Variants in BAZ1B observed in about 807,000 individuals in gnomAD.
BAZ1B encodes the protein tyrosine-protein kinase BAZ1B.
Under a neutral mutation model 153.8 loss-of-function variants are expected in BAZ1B, and 22 were observed. That is an observed-to-expected ratio of 0.14 (90% CI 0.10 to 0.20). BAZ1B has a LOEUF of 0.20. BAZ1B is among the 10% of genes least tolerant of loss of function. BAZ1B has a pLI of 1.00. For synonymous variants in BAZ1B, 676 were observed against 633.4 expected (o/e 1.07, Z -1.01); for missense variants, 1,325 against 1,799.3 (o/e 0.74, Z 4.77).
At chr7:73,501,145 G>A (rs1459794745) in intron 3 of BAZ1B, among the ~76,000 whole-genome samples, 2 of 151,442 alleles carry the variant, frequency 1.3e-5, no homozygotes, top group Non-Finnish European at 2.9e-5. Context: ...AATCCCAGCT[G>A]CTCGGGAGGC....
chr7:73,461,658 T>C (rs1554570404), intron 12 of BAZ1B, among the ~76,000 whole-genome samples: 1 of 152,200 alleles, frequency 6.6e-6, no homozygotes, highest in Non-Finnish European at 1.5e-5. Flanking sequence ...AATGTGCATA[T>C]GTAAGATACA....
intron 3 of BAZ1B, among the ~76,000 whole-genome samples, chr7:73,506,635 C>A (rs1391942240): frequency 4.0e-5 from 6 of 151,412 alleles, no homozygotes; most frequent in African/African-American, 1.5e-4. Flanking sequence ...GCATATCACC[C>A]GAGGTCGAGA....
At chr7:73,506,826 A>G (rs1554577841) in intron 3 of BAZ1B, among the ~76,000 whole-genome samples, 5 of 141,176 alleles carry the variant, frequency 3.5e-5, no homozygotes, top group South Asian at 4.9e-4. Context: ...ACTCCAGCCT[A>G]GGCGACAAGA....
chr7:73,463,240 T>A, intron 11 of BAZ1B, 141 bp from the exon 12 acceptor site: 40 of 110,770 alleles, frequency 3.6e-4, no homozygotes, highest in Middle Eastern at 3.1e-3. Context: ...TTCTTTTTTC[T>A]TTTTTTTTTT....
intron 9 of BAZ1B, among the ~76,000 whole-genome samples, chr7:73,467,567 G>A (rs928261996): frequency 1.3e-5 from 2 of 150,240 alleles, no homozygotes; most frequent in Non-Finnish European, 3.0e-5. Flanking sequence ...ACGGGGTTTC[G>A]CCATGTTGGC....
intron 6 of BAZ1B, among the ~76,000 whole-genome samples, chr7:73,484,718 C>T (rs1789340049): frequency 6.6e-6 from 1 of 152,174 alleles, no homozygotes; most frequent in Admixed American, 6.5e-5. Context: ...TTAAATGATG[C>T]ACTAAGAATA....
intron 2 of BAZ1B, among the ~76,000 whole-genome samples, chr7:73,508,740 G>A (rs964029830): frequency 2.6e-5 from 4 of 152,278 alleles, no homozygotes; most frequent in South Asian, 4.1e-4. Context: ...TGGGCAGGGC[G>A]CGGTGGCTCA....
At chr7:73,505,701 C>T (rs1790310394) in intron 3 of BAZ1B, among the ~76,000 whole-genome samples, 1 of 152,064 alleles carries the variant, frequency 6.6e-6, no homozygotes, top group South Asian at 2.1e-4. Context: ...CAGGCATGCA[C>T]CACCATACCT....
At chr7:73,514,530 T>A (rs1414214550) in intron 1 of BAZ1B, among the ~76,000 whole-genome samples, 1 of 138,620 alleles carries the variant, frequency 7.2e-6, no homozygotes, top group Non-Finnish European at 1.5e-5. Flanking sequence ...TGAAACTCAG[T>A]CTCAAAAAAA....
At chr7:73,447,484 A>G (rs1466844439) in intron 15 of BAZ1B, 105 bp from the exon 16 acceptor site, 36 of 1,349,022 alleles carry the variant, frequency 2.7e-5, no homozygotes, top group South Asian at 1.9e-4. Flanking sequence ...CACAGACTAC[A>G]TATGTATAAC....
chr7:73,520,772 C>T (rs782271961), intron 1 of BAZ1B, among the ~76,000 whole-genome samples: 1 of 152,178 alleles, frequency 6.6e-6, no homozygotes, highest in African/African-American at 2.4e-5. Context: ...GACACTTCCT[C>T]CTATACAGAA....
intron 10 of BAZ1B, 75 bp downstream of exon 10, chr7:73,466,221 T>G: frequency 9.5e-7 from 1 of 1,055,780 alleles, no homozygotes; most frequent in Non-Finnish European, 1.4e-6. Flanking sequence ...CTCACTGGCA[T>G]CACTATACTA....
intron 4 of BAZ1B, among the ~76,000 whole-genome samples, chr7:73,494,084 G>C (rs1274812367): frequency 2.0e-5 from 3 of 151,938 alleles, no homozygotes; most frequent in Non-Finnish European, 2.9e-5. Context: ...ATTTTGGAAA[G>C]ATCAATATAA....
intron 3 of BAZ1B, among the ~76,000 whole-genome samples, chr7:73,501,192 G>A (rs1232949217): frequency 2.6e-5 from 4 of 151,926 alleles, no homozygotes; most frequent in Admixed American, 6.6e-5. Context: ...GGATGCGGAG[G>A]TTGCGGTGAG....
chr7:73,471,192 CAT>C (rs1422972458), intron 7 of BAZ1B, among the ~76,000 whole-genome samples: 2 of 152,168 alleles, frequency 1.3e-5, no homozygotes, highest in Admixed American at 6.5e-5. Context: ...CAAAATAAAA[CAT>C]ATTTCAGTCC....
Position 73,477,441 on chromosome 7 carries a change from A to G in BAZ1B, c.2020T>C (p.Leu674=), listed in dbSNP as rs782203461. ...QDEIAEDYGE[L]GMKLSEIPLT... ...GGGATTTCCGACAGCTTCATTCCCA[A>G]TTCACCATAGTCTTCTGCTATCTCA... Residue 674 remains leucine, a synonymous_variant, in exon 7 of 20, where the codon TTG becomes CTG. Transcript: ENST00000339594. This position sits in a 1 kb window ranked among gnomAD's most constrained non-coding sequence, Gnocchi z 5.6. The G allele has an allele frequency of 5.6e-6, 9 of 1,614,218 alleles. No individual in the cohort carries two copies. Among genetic ancestry groups the G allele is most frequent in the Non-Finnish European group, 7.6e-6 (9 of 1,180,038 alleles).
At chr7:73,452,866 A>G (rs75300787) in intron 13 of BAZ1B, among the ~76,000 whole-genome samples, 4,836 of 152,296 alleles carry the variant, frequency 0.032, 152 homozygotes, top group Non-Finnish European at 0.037. Context: ...TCCTAAATTC[A>G]GGAGCATCTG....
intron 4 of BAZ1B, among the ~76,000 whole-genome samples, chr7:73,494,820 G>A (rs985095608): frequency 5.3e-5 from 8 of 152,152 alleles, no homozygotes. Flanking sequence ...CTTCCAGTTC[G>A]TGACCAACTA....
Position 73,468,568 on chromosome 7 carries a change from G to T in BAZ1B, c.2866+949C>A, listed in dbSNP as rs532153798. Among the ~76,000 whole-genome samples, 18 of 151,882 alleles carry T rather than the reference G, an allele frequency of 1.2e-4. No individual in the cohort carries two copies. In the South Asian group the frequency reaches 2.5e-3, roughly 21 times the overall value. On this transcript the variant is annotated intron_variant, in intron 9 of 19. Coordinates refer to ENST00000339594, the MANE Select transcript of BAZ1B (RefSeq NM_032408.4). ...TACATACACTTTAAGAAAGAATATG[G>T]ATATATATTCAGAAAACTATTCAGT...
Sources: gnomAD v4.1 joint callset for allele counts (sites outside exome capture counted in the v4.1 genomes callset) on GRCh38, gnomAD v4.1.1 for gene constraint, Gnocchi (gnomAD v3.1) non-coding constraint, MANE v1.5 for transcripts, NCBI Gene and HGNC (gene_info 2026-07-23, HGNC 2026-07-21) for gene names.